FAM169A: variants seen among roughly 807,000 people sequenced by gnomAD.
The protein encoded by FAM169A is soluble lamin-associated protein of 75 kDa.
In FAM169A, 24 loss-of-function variants were observed where a neutral mutation model predicts 75.7. The observed-to-expected ratio is 0.32, with a 90% CI of 0.23 to 0.45. FAM169A has a LOEUF of 0.45. Among genes scored for constraint, FAM169A ranks in the 20% least tolerant of loss-of-function variants. The pLI is 1.00. For missense variants in FAM169A, 673 were observed against 784.0 expected (o/e 0.86, Z 1.69); for synonymous variants, 271 against 271.0 (o/e 1.00, Z 0.00).
In FAM169A at chr5:74,854,120, G is replaced by A. The variant is rs138479421; in HGVS notation, c.-4+12045C>T. Among the ~76,000 whole-genome samples, 995 of 152,062 alleles carry A rather than the reference G, an allele frequency of 6.5e-3. 7 individuals carry two copies. The highest frequency in any genetic ancestry group is 0.022 in the African/African-American group (900 of 41,476). Reference sequence around the variant, plus strand: ...GTAAATAATCATATATAGGTCAGGCGCAGTGGCTCACACCTGTAATCCCAG... The same window carrying A: ...GTAAATAATCATATATAGGTCAGGCACAGTGGCTCACACCTGTAATCCCAG... On this transcript the variant is annotated intron_variant, in intron 1 of 12. Coordinates refer to ENST00000687041, the MANE Select transcript of FAM169A (RefSeq NM_001376049.1).
rs538749210 is a variant in FAM169A at position 74,780,454 on chromosome 5, G to C, written c.*1006C>G. ...TGAGTTACAGAAGTAGATGAAAGCT[G>C]TGGGGGAATATAAATAAGACTGTAG... On this transcript the variant is annotated 3_prime_UTR_variant, in exon 13 of 13. Transcript: ENST00000687041. 4 of 152,356 alleles carry C rather than the reference G, an allele frequency of 2.6e-5. No individual in the cohort carries two copies. The highest frequency in any genetic ancestry group is 2.6e-4 in the Admixed American group (4 of 15,308). The allele number at this position is 152,356 out of a possible 1,614,324, so 9.4% of individuals were successfully genotyped here.
chr5:74,803,465 A>G (rs1746693051), intron 8 of FAM169A, among the ~76,000 whole-genome samples: 1 of 152,174 alleles, frequency 6.6e-6, no homozygotes, highest in Non-Finnish European at 1.5e-5. Flanking sequence ...GCTAATTGAG[A>G]CAGAAAATAA....
rs529260318 is a variant in FAM169A, at chr5:74,779,056, TAAC to T, written c.*2401_*2403del. ...CCTCTATAATCTATAAACCCCAAAA[TAAC>T]AATTTCTGTCAGAGAGAATCTGTAA... On this transcript the variant is annotated 3_prime_UTR_variant, in exon 13 of 13. Coordinates refer to ENST00000687041, the MANE Select transcript of FAM169A (RefSeq NM_001376049.1). The T allele has an allele frequency of 1.4e-4, 21 of 152,240 alleles. 1 individual carries two copies. Among genetic ancestry groups the T allele is most frequent in the Admixed American group, 4.6e-4 (7 of 15,290 alleles). The allele number at this position is 152,240 out of a possible 1,614,324, so 9.4% of individuals were successfully genotyped here.
intron 6 of FAM169A, among the ~76,000 whole-genome samples, chr5:74,810,319 G>A (rs918499576): frequency 6.6e-6 from 1 of 152,092 alleles, no homozygotes; most frequent in South Asian, 2.1e-4. Context: ...TGGAAGGGAA[G>A]GAAGCCGGGG....
chr5:74,812,285 A>G (rs1290625141), intron 6 of FAM169A, among the ~76,000 whole-genome samples: 2 of 151,946 alleles, frequency 1.3e-5, no homozygotes, highest in Non-Finnish European at 2.9e-5. Flanking sequence ...CACCACACCC[A>G]GCTAATTTTT....
intron 6 of FAM169A, among the ~76,000 whole-genome samples, chr5:74,812,396 G>C (rs1747246619): frequency 6.6e-6 from 1 of 151,868 alleles, no homozygotes; most frequent in African/African-American, 2.4e-5. Flanking sequence ...TAAAGTGCTA[G>C]AATTACAGGC....
In FAM169A at chr5:74,842,420, CAAAAAAAAAAAAAAAAAAA is replaced by C. The variant is rs56653446; in HGVS notation, c.-3-760_-3-742del. Among the ~76,000 whole-genome samples the C allele has an allele frequency of 7.1e-4, 16 of 22,476 alleles. No homozygotes were observed. The East Asian group carries it at 0.011, about 16-fold the overall frequency. The allele number at this position is 22,476 out of a possible 152,430, so 14.7% of individuals were successfully genotyped here. On this transcript the variant is annotated intron_variant, in intron 1 of 12. Coordinates refer to ENST00000687041, the MANE Select transcript of FAM169A (RefSeq NM_001376049.1). ...TGGGTGAAAGAGTGAGACTCTATCA[CAAAAAAAAAAAAAAAAAAA>C]AAAAAAAAAAAAAAAAATCACTGAA... is the stretch of plus-strand genomic sequence containing the variant.
intron 5 of FAM169A, among the ~76,000 whole-genome samples, chr5:74,819,993 CTTTTTTTTTTT>C (rs56815603): frequency 8.4e-6 from 1 of 119,090 alleles, no homozygotes; most frequent in Non-Finnish European, 1.7e-5. Flanking sequence ...GAATTGTATC[CTTTTTTTTTTT>C]TTTTTTTTTG....
intron 1 of FAM169A, among the ~76,000 whole-genome samples, chr5:74,863,316 A>G (rs1750138342): frequency 6.6e-6 from 1 of 152,236 alleles, no homozygotes; most frequent in Admixed American, 6.5e-5. Flanking sequence ...TCCTACCACC[A>G]CTGAGGCATA....
At chr5:74,799,716 C>A in intron 10 of FAM169A, 1 of 1,225,940 alleles carries the variant, frequency 8.2e-7, no homozygotes, top group Non-Finnish European at 1.2e-6. Flanking sequence ...ATGTCTCAAT[C>A]TGAAGACGGA....
At chr5:74,835,153 C>T (rs1490660523) in intron 4 of FAM169A, among the ~76,000 whole-genome samples, 1 of 152,220 alleles carries the variant, frequency 6.6e-6, no homozygotes, top group Middle Eastern at 3.4e-3. Context: ...CCTATCTTTG[C>T]TGTCAACAAA....
chr5:74,832,276 A>G (rs1232437692), intron 5 of FAM169A, among the ~76,000 whole-genome samples: 6 of 151,992 alleles, frequency 3.9e-5, no homozygotes, highest in Admixed American at 3.9e-4. Flanking sequence ...TCTTTATAAG[A>G]AAACTATCTA....
chr5:74,852,901 A>C (rs909402827), intron 1 of FAM169A, among the ~76,000 whole-genome samples: 1 of 152,194 alleles, frequency 6.6e-6, no homozygotes, highest in Admixed American at 6.5e-5. Context: ...GGTAGGAAGA[A>C]CTGAAGGGAG....
intron 10 of FAM169A, chr5:74,799,367 T>C: frequency 5.0e-6 from 8 of 1,612,058 alleles, no homozygotes; most frequent in Non-Finnish European, 6.8e-6. Context: ...GTTTGTTACT[T>C]TGAGTCTGAA....
intron 6 of FAM169A, among the ~76,000 whole-genome samples, chr5:74,805,866 T>G (rs1580104062): frequency 6.6e-6 from 1 of 151,590 alleles, no homozygotes; most frequent in African/African-American, 2.4e-5. Context: ...CCAACACAAC[T>G]TATTTTTTAA....
intron 5 of FAM169A, among the ~76,000 whole-genome samples, chr5:74,824,532 T>G (rs910673324): frequency 6.6e-6 from 1 of 152,116 alleles, no homozygotes; most frequent in Non-Finnish European, 1.5e-5. Context: ...ATTTATAAAG[T>G]TCAGCTAGTT....
At chr5:74,863,935 T>C (rs1308886638) in intron 1 of FAM169A, among the ~76,000 whole-genome samples, 1 of 152,172 alleles carries the variant, frequency 6.6e-6, no homozygotes, top group African/African-American at 2.4e-5. Context: ...TCACCTGCAA[T>C]CTCTAGCAGG....
intron 1 of FAM169A, among the ~76,000 whole-genome samples, chr5:74,842,420 C>CA (rs56653446): frequency 0.012 from 279 of 22,478 alleles, 102 homozygotes; most frequent in Middle Eastern, 0.038. Context: ...GACTCTATCA[C>CA]AAAAAAAAAA....
intron 1 of FAM169A, among the ~76,000 whole-genome samples, chr5:74,846,420 TAA>T (rs1030478027): frequency 1.4e-4 from 21 of 152,288 alleles, no homozygotes; most frequent in Middle Eastern, 3.4e-3. Context: ...AAAATGGACA[TAA>T]GAGTTTGATA....
Sources: allele counts gnomAD v4.1 joint callset (sites outside exome capture counted in the v4.1 genomes callset), GRCh38; gene constraint gnomAD v4.1.1; transcripts MANE v1.5; gene names NCBI Gene and HGNC (gene_info 2026-07-23, HGNC 2026-07-21).